The following RORA variants were observed in gnomAD, a reference collection of about 807,000 sequenced individuals.
RORA encodes the protein RAR related orphan receptor A, also known as nuclear receptor ROR-alpha.
Under a neutral mutation model 69.5 loss-of-function variants are expected in RORA, and 7 were observed. The ratio of observed to expected loss-of-function variants is 0.10; its 90% CI spans 0.06 to 0.19. The LOEUF is 0.19. RORA is among the 10% of genes least tolerant of loss of function. The probability of loss-of-function intolerance (pLI) is 1.00; values close to 1 mark genes in which losing one functional copy is unlikely to be tolerated. For missense variants in RORA, 457 were observed against 663.0 expected (o/e 0.69, Z 3.41); for synonymous variants, 261 against 240.8 (o/e 1.08, Z -0.78).
At chr15:60,828,335 G>C (rs1272954654) in intron 1 of RORA, among the ~76,000 whole-genome samples, 2 of 152,234 alleles carry the variant, frequency 1.3e-5, no homozygotes, top group Admixed American at 6.5e-5. Flanking sequence ...CTAGTAATCA[G>C]TTCCAGGTAG....
intron 1 of RORA, among the ~76,000 whole-genome samples, chr15:60,927,846 G>C (rs902441504): frequency 6.6e-6 from 1 of 152,178 alleles, no homozygotes; most frequent in African/African-American, 2.4e-5. Context: ...CAGATTTTGA[G>C]ACCATTCAGT....
At chr15:61,040,309 A>G (rs1896696889) in intron 1 of RORA, among the ~76,000 whole-genome samples, 1 of 151,496 alleles carries the variant, frequency 6.6e-6, no homozygotes, top group Non-Finnish European at 1.5e-5. Flanking sequence ...AAGCAAGAAT[A>G]TGGGTTCAGG....
At chr15:60,898,096 C>A (rs1235447271) in intron 1 of RORA, among the ~76,000 whole-genome samples, 1 of 152,180 alleles carries the variant, frequency 6.6e-6, no homozygotes. Flanking sequence ...TTTAGGTGTA[C>A]TGCCTCATGC....
At chr15:60,859,158 G>A (rs756803219) in intron 1 of RORA, among the ~76,000 whole-genome samples, 17 of 152,100 alleles carry the variant, frequency 1.1e-4, no homozygotes, top group Non-Finnish European at 2.2e-4. Flanking sequence ...CTAAGACCCA[G>A]TTCAGGGCTC....
chr15:60,811,948 C>T (rs1483743671), intron 1 of RORA, among the ~76,000 whole-genome samples: 1 of 152,136 alleles, frequency 6.6e-6, no homozygotes, highest in Non-Finnish European at 1.5e-5. Context: ...ATTATTTTAA[C>T]GGTGAAATGG....
At chr15:60,878,007 G>A (rs1016328516) in intron 1 of RORA, among the ~76,000 whole-genome samples, 1 of 151,900 alleles carries the variant, frequency 6.6e-6, no homozygotes, top group African/African-American at 2.4e-5. Flanking sequence ...TTTGGGCTGG[G>A]AAGAATAAGG....
chr15:60,552,954 A>G (rs75275301), intron 2 of RORA, among the ~76,000 whole-genome samples: 334 of 152,280 alleles, frequency 2.2e-3, no homozygotes, highest in Non-Finnish European at 4.1e-3. Context: ...CCAATGCTAA[A>G]TCTTCCACTT....
intron 1 of RORA, among the ~76,000 whole-genome samples, chr15:60,829,620 T>G (rs1043076018): frequency 6.6e-6 from 1 of 152,140 alleles, no homozygotes; most frequent in African/African-American, 2.4e-5. Context: ...TGGAAAGAGT[T>G]TGTCAGTTCT....
At chr15:60,757,918 G>A (rs2071826056) in intron 1 of RORA, among the ~76,000 whole-genome samples, 1 of 152,136 alleles carries the variant, frequency 6.6e-6, no homozygotes, top group Admixed American at 6.5e-5. Flanking sequence ...CCCACATGGA[G>A]ATGGCAAACA....
chr15:61,085,491 G>A (rs1382909946), intron 1 of RORA, among the ~76,000 whole-genome samples: 1 of 152,238 alleles, frequency 6.6e-6, no homozygotes, highest in Non-Finnish European at 1.5e-5. Flanking sequence ...TGTTATAACA[G>A]ACTCGTGGGC....
At chr15:60,858,729 G>T (rs1273186563) in intron 1 of RORA, among the ~76,000 whole-genome samples, 1 of 78,338 alleles carries the variant, frequency 1.3e-5, no homozygotes, top group African/African-American at 4.7e-5. Context: ...ACACACAAAA[G>T]CACAAAGCAA....
chr15:60,885,536 C>G (rs1031900935), intron 1 of RORA, among the ~76,000 whole-genome samples: 11 of 152,190 alleles, frequency 7.2e-5, no homozygotes, highest in Non-Finnish European at 1.3e-4. Flanking sequence ...GCGGCTTTGG[C>G]TACAGAATTC....
At chr15:60,787,413 C>G (rs905470505) in intron 1 of RORA, among the ~76,000 whole-genome samples, 1 of 152,244 alleles carries the variant, frequency 6.6e-6, no homozygotes, top group Non-Finnish European at 1.5e-5. Flanking sequence ...TCCCCTGCAA[C>G]TGCGGTCAAG....
At chr15:60,662,937 C>G (rs1567146242) in intron 2 of RORA, among the ~76,000 whole-genome samples, 1 of 152,148 alleles carries the variant, frequency 6.6e-6, no homozygotes, top group East Asian at 1.9e-4. Context: ...GAGATTTGTC[C>G]TTAGCTAAAG....
At chr15:61,015,499 C>T (rs995553013) in intron 1 of RORA, among the ~76,000 whole-genome samples, 9 of 151,930 alleles carry the variant, frequency 5.9e-5, no homozygotes, top group African/African-American at 1.9e-4. Flanking sequence ...GGAAGAAAGG[C>T]CTTTTGCTCA....
At chr15:60,951,169 C>T (rs1260549791) in intron 1 of RORA, among the ~76,000 whole-genome samples, 3 of 152,134 alleles carry the variant, frequency 2.0e-5, no homozygotes, top group Admixed American at 6.5e-5. Context: ...GGAAACTGAA[C>T]AACCTGCTCC....
chr15:60,926,857 G>A (rs1447879641), intron 1 of RORA, among the ~76,000 whole-genome samples: 1 of 152,198 alleles, frequency 6.6e-6, no homozygotes, highest in African/African-American at 2.4e-5. Context: ...ATTAATCCAT[G>A]TATGTAAGTA....
chr15:61,144,318 C>G (rs1028967809), intron 1 of RORA, among the ~76,000 whole-genome samples: 1 of 152,204 alleles, frequency 6.6e-6, no homozygotes, highest in Non-Finnish European at 1.5e-5. Flanking sequence ...TTGTCCCAAA[C>G]TGGTAAAAAA....
intron 1 of RORA, among the ~76,000 whole-genome samples, chr15:61,221,249 C>T (rs1221246096): frequency 6.6e-6 from 1 of 152,190 alleles, no homozygotes; most frequent in African/African-American, 2.4e-5. Flanking sequence ...ACCTAAAATT[C>T]ATATTTATGG....
Sources: allele counts gnomAD v4.1 joint callset (sites outside exome capture counted in the v4.1 genomes callset), GRCh38; gene constraint gnomAD v4.1.1; transcripts MANE v1.5; gene names NCBI Gene and HGNC (gene_info 2026-07-23, HGNC 2026-07-21).